Variants in WWOX observed in about 807,000 individuals in gnomAD.
WWOX encodes WW domain containing oxidoreductase.
WWOX carries 69 observed loss-of-function variants against 46.2 expected under a neutral mutation model. That is an observed-to-expected ratio of 1.49 (90% confidence interval 1.23 to 1.82). The LOEUF is 1.82. WWOX is among the 40% of genes most tolerant of loss of function. The probability of loss-of-function intolerance (pLI) is 0.00; values close to 1 mark genes in which losing one functional copy is unlikely to be tolerated. For synonymous variants in WWOX, 359 were observed against 202.6 expected, an observed-to-expected ratio of 1.77 and a Z score of -6.56; for missense variants, 919 against 542.6, an observed-to-expected ratio of 1.69 and a Z score of -6.89.
At chr16:78,370,139 A>AG (rs1274166029) in intron 5 of WWOX, among the ~76,000 whole-genome samples, 1 of 151,452 alleles carries the variant, frequency 6.6e-6, no homozygotes, top group African/African-American at 2.4e-5. Context: ...CCAAAAAAAA[A>AG]AAAAAAAAAA....
chr16:79,031,009 C>G (rs11863336), intron 8 of WWOX, among the ~76,000 whole-genome samples: 65,264 of 150,686 alleles, frequency 0.43, 15,033 homozygotes, highest in East Asian at 0.66. Context: ...GGAGAATCAC[C>G]CGAGGCTGGG....
At chr16:78,436,705 A>G (rs1479849023) in intron 8 of WWOX, among the ~76,000 whole-genome samples, 3 of 152,140 alleles carry the variant, frequency 2.0e-5, no homozygotes, top group African/African-American at 7.2e-5. Context: ...TTTCATAAAC[A>G]TTTAGGACTC....
intron 5 of WWOX, among the ~76,000 whole-genome samples, chr16:78,333,449 G>A (rs1351744762): frequency 6.6e-6 from 1 of 152,090 alleles, no homozygotes; most frequent in Non-Finnish European, 1.5e-5. Context: ...TTTAGTGAGT[G>A]TAATCTGTTC....
chr16:78,672,670 G>A (rs564406834), intron 8 of WWOX, among the ~76,000 whole-genome samples: 1 of 152,186 alleles, frequency 6.6e-6, no homozygotes, highest in Admixed American at 6.5e-5. Flanking sequence ...TTAAATAAAA[G>A]TGATCGGATG....
At chr16:78,655,160 A>T (rs781413693) in intron 8 of WWOX, among the ~76,000 whole-genome samples, 5 of 152,050 alleles carry the variant, frequency 3.3e-5, no homozygotes, top group Non-Finnish European at 7.4e-5. Flanking sequence ...CGCTGTGGCC[A>T]TAGGTGCCCT....
At chr16:78,311,235 C>T (rs1555517061) in intron 5 of WWOX, among the ~76,000 whole-genome samples, 2 of 152,118 alleles carry the variant, frequency 1.3e-5, no homozygotes, top group Non-Finnish European at 2.9e-5. Flanking sequence ...GGTTTCCTAT[C>T]AGTTGCATTC....
At chr16:78,220,123 G>A (rs1464285070) in intron 5 of WWOX, among the ~76,000 whole-genome samples, 2 of 152,032 alleles carry the variant, frequency 1.3e-5, no homozygotes, top group African/African-American at 4.8e-5. Context: ...TTGTTTATTC[G>A]GGGTACTCCC....
At chr16:79,166,939 A>T (rs1236907094) in intron 8 of WWOX, among the ~76,000 whole-genome samples, 1 of 152,088 alleles carries the variant, frequency 6.6e-6, no homozygotes, top group African/African-American at 2.4e-5. Context: ...TTCATCATAT[A>T]TATAATAATT....
chr16:78,930,123 T>G (rs1458287286), intron 8 of WWOX, among the ~76,000 whole-genome samples: 3 of 151,752 alleles, frequency 2.0e-5, no homozygotes, highest in Non-Finnish European at 1.5e-5. Context: ...GGATGTGGGG[T>G]CTGGCAGAGA....
At chr16:78,505,499 C>T (rs369680541) in intron 8 of WWOX, among the ~76,000 whole-genome samples, 7 of 152,160 alleles carry the variant, frequency 4.6e-5, no homozygotes, top group Admixed American at 1.3e-4. Flanking sequence ...TTGGCCTGGG[C>T]AGCCCAGGGA....
chr16:79,098,840 C>T (rs1381211584), intron 8 of WWOX, among the ~76,000 whole-genome samples: 1 of 152,142 alleles, frequency 6.6e-6, no homozygotes, highest in Non-Finnish European at 1.5e-5. Flanking sequence ...ATGTTGCCTT[C>T]TCTGTATATC....
intron 8 of WWOX, among the ~76,000 whole-genome samples, chr16:78,454,013 G>C (rs1397821839): frequency 6.6e-6 from 1 of 152,050 alleles, no homozygotes; most frequent in Non-Finnish European, 1.5e-5. Context: ...TTTTGTGATG[G>C]GGTGATTTCA....
At chr16:79,045,175 C>A (rs778218959) in intron 8 of WWOX, among the ~76,000 whole-genome samples, 1 of 152,146 alleles carries the variant, frequency 6.6e-6, no homozygotes, top group African/African-American at 2.4e-5. Context: ...TAAATTAAAT[C>A]TTTTCCCCAA....
At chr16:78,191,363 T>G (rs917144301) in intron 5 of WWOX, among the ~76,000 whole-genome samples, 4 of 152,268 alleles carry the variant, frequency 2.6e-5, no homozygotes, top group Admixed American at 1.3e-4. Context: ...AATTTTTCTT[T>G]GATCATAGGT....
intron 8 of WWOX, among the ~76,000 whole-genome samples, chr16:79,050,468 C>G (rs964936006): frequency 6.6e-6 from 1 of 152,220 alleles, no homozygotes; most frequent in African/African-American, 2.4e-5. Context: ...AGACCCAGAA[C>G]TGGCATACCC....
At chr16:78,396,251 TGGA>T (rs1171280446) in intron 6 of WWOX, among the ~76,000 whole-genome samples, 1 of 152,088 alleles carries the variant, frequency 6.6e-6, no homozygotes, top group Non-Finnish European at 1.5e-5. Flanking sequence ...CTGCCCCTGG[TGGA>T]GAGAATAATT....
chr16:78,826,210 C>T (rs371698077), intron 8 of WWOX, among the ~76,000 whole-genome samples: 22 of 152,264 alleles, frequency 1.4e-4, no homozygotes, highest in African/African-American at 4.8e-4. Flanking sequence ...CAAAGATTAG[C>T]CTGGCGTGCC....
Position 78,432,769 on chromosome 16 carries a change from T to A in WWOX, c.1056+17T>A. 1 of 1,614,104 alleles carries A rather than the reference T, an allele frequency of 6.2e-7. No individual in the cohort carries two copies. Among genetic ancestry groups the A allele is most frequent in the Non-Finnish European group, 8.5e-7 (1 of 1,180,016 alleles). Reference sequence around the variant, plus strand: ...AAGTCCATGGTAAGAGAACAGCTTCTGGCGCCGCAAACACCTTGGGTCCTA... The same window carrying A: ...AAGTCCATGGTAAGAGAACAGCTTCAGGCGCCGCAAACACCTTGGGTCCTA... On this transcript the variant is annotated intron_variant, in intron 8 of 8. Transcript: ENST00000566780.
chr16:78,216,546 GC>G (rs55900867), intron 5 of WWOX, among the ~76,000 whole-genome samples: 152,251 of 152,254 alleles, frequency 1, 76,124 homozygotes, highest in Non-Finnish European at 1. Context: ...TTCCCATGAC[GC>G]TAGAGGCTGA....
Sources: gnomAD v4.1 joint callset for allele counts (sites outside exome capture counted in the v4.1 genomes callset) on GRCh38, gnomAD v4.1.1 for gene constraint, MANE v1.5 for transcripts, NCBI Gene and HGNC (gene_info 2026-07-23, HGNC 2026-07-21) for gene names.